FBXL18: variants seen among roughly 807,000 people sequenced by gnomAD.
FBXL18 encodes F-box/LRR-repeat protein 18.
In FBXL18, 36 loss-of-function variants were observed where a neutral mutation model predicts 46.0. The ratio of observed to expected loss-of-function variants is 0.78; its 90% CI spans 0.60 to 1.03. The LOEUF (loss-of-function observed/expected upper bound fraction) is 1.03, where lower values mean the gene tolerates loss of function less well. Ranked by LOEUF, FBXL18 falls within the 50% of genes least tolerant of loss-of-function variation. The pLI is 0.00. For synonymous variants in FBXL18, 557 were observed against 465.3 expected (o/e 1.20, Z -2.54); for missense variants, 977 against 1,004.1 (o/e 0.97, Z 0.36).
chr7:5,462,170 G>A (rs1042350317), intron 4 of FBXL18, among the ~76,000 whole-genome samples: 4 of 152,228 alleles, frequency 2.6e-5, no homozygotes, highest in Admixed American at 2.6e-4. Context: ...GGAGGCTGCA[G>A]TGACCCAAGA....
intron 3 of FBXL18, among the ~76,000 whole-genome samples, chr7:5,497,440 T>C (rs1010163503): frequency 8.5e-5 from 13 of 152,102 alleles, no homozygotes; most frequent in African/African-American, 3.1e-4. Flanking sequence ...AGACAGGAAA[T>C]ACAGAGGCTT....
Position 5,480,915 on chromosome 7 carries a change from T to C in FBXL18, c.*860A>G, listed in dbSNP as rs1404589027. The C allele has an allele frequency of 2.0e-5, 3 of 152,162 alleles. No individual in the cohort carries two copies. Among genetic ancestry groups the C allele is most frequent in the African/African-American group, 7.2e-5 (3 of 41,428 alleles). 9.4% of individuals were successfully genotyped at this position (152,162 alleles called of 1,614,324 possible). A position where few individuals can be genotyped will look rare whatever the true frequency, so the allele number is the denominator to read the frequency against. On this transcript the variant is annotated 3_prime_UTR_variant, in exon 5 of 5. Transcript: ENST00000382368. ...ATTTGAAATGGGGTCATGTGATTGC[T>C]ACTCCAGCCTTAAGAATCCTTTCTG...
In FBXL18 at chr7:5,491,462, A is replaced by G. The variant is rs762188067; in HGVS notation, c.1782-13T>C. The G allele has an allele frequency of 1.9e-6, 3 of 1,558,206 alleles. No individual in the cohort carries two copies. Among genetic ancestry groups the G allele is most frequent in the Non-Finnish European group, 1.7e-6 (2 of 1,151,782 alleles). On this transcript the variant is annotated splice_polypyrimidine_tract_variant and intron_variant, in intron 3 of 4. Transcript: ENST00000382368. ...GGGCTGCTCCAGCCTGCGGGGAGAG[A>G]GGGCAGCTGTGAGGTCCGAGGGAGG... is the stretch of plus-strand genomic sequence containing the variant.
At chr7:5,464,947 C>T (rs1562672964) in intron 4 of FBXL18, among the ~76,000 whole-genome samples, 2 of 151,744 alleles carry the variant, frequency 1.3e-5, no homozygotes, top group African/African-American at 4.8e-5. Context: ...CCTGTAATCT[C>T]AGCTACTCGG....
intron 4 of FBXL18, among the ~76,000 whole-genome samples, chr7:5,487,829 G>A (rs1783815874): frequency 6.6e-6 from 1 of 152,142 alleles, no homozygotes; most frequent in African/African-American, 2.4e-5. Flanking sequence ...TCCCACCACA[G>A]GCCTGGGTGC....
At chr7:5,506,122 C>T (rs1784388804) in intron 1 of FBXL18, among the ~76,000 whole-genome samples, 1 of 151,890 alleles carries the variant, frequency 6.6e-6, no homozygotes, top group Admixed American at 6.6e-5. Flanking sequence ...CCTTGGCCTC[C>T]CAAAGGGTGT....
chr7:5,495,773 G>T (rs777405626), intron 3 of FBXL18: 6 of 471,732 alleles, frequency 1.3e-5, no homozygotes, highest in South Asian at 9.3e-5. Flanking sequence ...TTCCACTGCA[G>T]CGTCCGGGCT....
At position 5,491,338 on chromosome 7, in the gene FBXL18, A is replaced by G. The variant is rs1584217794; in HGVS notation, c.1893T>C (p.Asp631=). 3.1e-6 allele frequency: 5 copies of G among 1,611,928 alleles called. No individual in the cohort carries two copies. In the East Asian group the frequency reaches 6.7e-5, roughly 22 times the overall value. The change falls in exon 4 of 5, where the codon GAT becomes GAC. Residue 631 remains aspartate, a synonymous_variant. Transcript: ENST00000382368. The part of the protein sequence containing the change: ...LVSRSGTLQP[D]AVLAFMARCL... ...AGCGAGCCATGAAGGCCAGCACGGC[A>G]TCGGGCTGGAGGGTGCCGCTGCGAG... is the stretch of plus-strand genomic sequence containing the variant.
intron 4 of FBXL18, among the ~76,000 whole-genome samples, chr7:5,461,055 C>T (rs1783236685): frequency 6.6e-6 from 1 of 152,186 alleles, no homozygotes; most frequent in African/African-American, 2.4e-5. Context: ...GCATTAGGTC[C>T]CCGCCAGCCT....
chr7:5,481,847 G>C lies in FBXL18; in HGVS notation c.2085C>G (p.Pro695=), dbSNP rs949840636. 2 of 1,613,890 alleles carry C rather than the reference G, an allele frequency of 1.2e-6. No homozygotes were observed. The highest frequency in any genetic ancestry group is 4.5e-5 in the East Asian group (2 of 44,888). Residue 695 remains proline (P), a synonymous_variant, in exon 5 of 5, where the codon CCC becomes CCG. Transcript: ENST00000382368. ...AGGTGATCTCATCCAGGTGCACCAG[G>C]GGGACGTCCCGGATGACGTCGGTCA... The part of the protein sequence containing the change: ...EGLTDVIRDV[P]LVHLDEITLF...
At chr7:5,473,056 C>T (rs554130808), downstream of FBXL18, among the ~76,000 whole-genome samples, 24 of 152,270 alleles carry the variant, frequency 1.6e-4, no homozygotes, top group African/African-American at 7.2e-5. Context: ...TATCAGCCCC[C>T]ACCCACTGCC....
At chr7:5,505,674 G>A in intron 1 of FBXL18, 44 bp from the exon 2 acceptor site, 1 of 1,556,176 alleles carries the variant, frequency 6.4e-7, no homozygotes, top group Non-Finnish European at 8.9e-7. Flanking sequence ...CCCCAAGGAT[G>A]GCTGTCAGCC....
chr7:5,507,541 A>G (rs753099938), intron 1 of FBXL18, among the ~76,000 whole-genome samples: 1 of 152,176 alleles, frequency 6.6e-6, no homozygotes, highest in Non-Finnish European at 1.5e-5. Context: ...TATTTTAATA[A>G]TTAGCAGAAC....
chr7:5,456,658 A>T (rs892916376), intron 4 of FBXL18, among the ~76,000 whole-genome samples: 1 of 148,878 alleles, frequency 6.7e-6, no homozygotes. Context: ...AAAAAAAGGC[A>T]TGGAAAGGAG....
At position 5,500,850 on chromosome 7, in the gene FBXL18, G is replaced by C. The variant is rs560947191; in HGVS notation, c.1419C>G (p.Ser473=). ...FSGQACPQPS[S]VFWSLLKNLP... ...GGTTCTTCAGCAGAGACCAGAACAC[G>C]GAGGAGGGCTGGGGGCACGCCTGGC... Residue 473 remains serine (S), a synonymous_variant, in exon 3 of 5, where the codon TCC becomes TCG. Transcript: ENST00000382368. 2 of 1,609,200 alleles carry C rather than the reference G, an allele frequency of 1.2e-6. No individual in the cohort carries two copies. The highest frequency in any genetic ancestry group is 1.1e-5 in the South Asian group (1 of 90,642).
In FBXL18 at chr7:5,461,098, G is replaced by A. The variant is rs537523544; in HGVS notation, c.2001-13255C>T. ...GGTGTCCTGGTGCCCAACCCTCCCCGAAGGGCTCCAGTCCTGCACTCTCGG... is the reference window on the plus strand; with the variant it reads ...GGTGTCCTGGTGCCCAACCCTCCCCAAAGGGCTCCAGTCCTGCACTCTCGG... On this transcript the variant is annotated intron_variant and NMD_transcript_variant, in intron 4 of 6. Coordinates refer to the FBXL18 transcript ENST00000415009. Among the ~76,000 whole-genome samples, 112 of 152,234 alleles carry A rather than the reference G, an allele frequency of 7.4e-4. 1 individual carries two copies. The highest frequency in any genetic ancestry group is 2.6e-3 in the African/African-American group (109 of 41,552).
chr7:5,485,301 C>A lies in FBXL18; in HGVS notation c.2001-3370G>T, dbSNP rs10248352. Among the ~76,000 whole-genome samples, 1,227 of 152,258 alleles carry A rather than the reference C, an allele frequency of 8.1e-3. 13 individuals are homozygous for A. The highest frequency in any genetic ancestry group is 0.028 in the African/African-American group (1,162 of 41,540). On this transcript the variant is annotated intron_variant, in intron 4 of 4. Coordinates refer to ENST00000382368, the MANE Select transcript of FBXL18 (RefSeq NM_024963.6). ...CTGTGGATTGGGACAGAAAGGCCAG[C>A]CCTTCTTGGCAGTCAGAGGGCACTC...
intron 4 of FBXL18, among the ~76,000 whole-genome samples, chr7:5,484,212 A>C (rs992573021): frequency 2.0e-5 from 3 of 152,122 alleles, no homozygotes; most frequent in African/African-American, 7.2e-5. Context: ...TCACGCCTGT[A>C]ATCCCAGCAC....
Position 5,486,621 on chromosome 7 carries a change from C to A in FBXL18, c.2000+4610G>T, listed in dbSNP as rs376892147. Reference sequence around the variant, plus strand: ...TGAGCTGTGATTGCACCATTGCACTCCAGCCTGGGCAACAGAGAGAGACCC... The same window carrying A: ...TGAGCTGTGATTGCACCATTGCACTACAGCCTGGGCAACAGAGAGAGACCC... On this transcript the variant is annotated intron_variant, in intron 4 of 4. Coordinates refer to ENST00000382368, the MANE Select transcript of FBXL18 (RefSeq NM_024963.6). 3.9e-5 allele frequency among the ~76,000 whole-genome samples: 6 copies of A among 152,210 alleles called. No homozygotes were observed. In the East Asian group the frequency reaches 9.6e-4, roughly 24 times the overall value.
Sources: allele counts gnomAD v4.1 joint callset (sites outside exome capture counted in the v4.1 genomes callset), GRCh38; gene constraint gnomAD v4.1.1; transcripts MANE v1.5; gene names NCBI Gene and HGNC (gene_info 2026-07-23, HGNC 2026-07-21).